ABCC11: variants seen among roughly 807,000 people sequenced by gnomAD.
The protein encoded by ABCC11 is ATP-binding cassette sub-family C member 11.
ABCC11 carries 135 observed loss-of-function variants against 149.3 expected under a neutral mutation model. The ratio of observed to expected loss-of-function variants is 0.90; its 90% CI spans 0.79 to 1.04. ABCC11 has a LOEUF of 1.04. Ranked by LOEUF, ABCC11 falls within the 50% of genes least tolerant of loss-of-function variation. The pLI is 0.00. For synonymous variants in ABCC11, 665 were observed against 671.4 expected (o/e 0.99, Z 0.15); for missense variants, 1,680 against 1,722.1 (o/e 0.98, Z 0.43).
At chr16:48,244,472 C>G (rs1386960036) in intron 1 of ABCC11, 3 of 1,598,794 alleles carry the variant, frequency 1.9e-6, no homozygotes, top group African/African-American at 2.7e-5. Context: ...CCGGCTCCAC[C>G]ATGCGCACCA....
At chr16:48,177,178 C>A (rs1439637871) in intron 24 of ABCC11, 65 bp from the exon 25 acceptor site, 50 of 1,511,978 alleles carry the variant, frequency 3.3e-5, no homozygotes, top group Non-Finnish European at 4.3e-5. Flanking sequence ...CCCCTGCGGG[C>A]CTGCCAGCCT....
At chr16:48,227,168 A>C (rs1297156795) in intron 4 of ABCC11, among the ~76,000 whole-genome samples, 1 of 152,098 alleles carries the variant, frequency 6.6e-6, no homozygotes, top group Non-Finnish European at 1.5e-5. Flanking sequence ...AAGGGACTAG[A>C]AGTGGTCATT....
In ABCC11 at chr16:48,198,000, G is replaced by A. The variant is rs199502121; in HGVS notation, c.2285C>T (p.Ser762Phe). The change falls in exon 17 of 30, where the codon TCC (serine) becomes TTC (phenylalanine). Residue 762 changes from serine to phenylalanine, a missense_variant. Physicochemically the swap from Ser to Phe is radical, Grantham distance 155. Coordinates refer to ENST00000356608, the MANE Select transcript of ABCC11 (RefSeq NM_001370497.1). The stretch of plus-strand genomic sequence containing the variant: ...ATTTCCGTTGAGAGACTCTTCCAGG[G>A]AGGTGGCCAGAGCCTGACTTTCTAC... Reference protein sequence around the residue: ...PKVESQALATSLEESLNGNAV... With the variant: ...PKVESQALATFLEESLNGNAV... The A allele has an allele frequency of 3.1e-6, 5 of 1,614,164 alleles. No individual in the cohort carries two copies. The Admixed American group carries it at 8.3e-5, about 27-fold the overall frequency.
intron 5 of ABCC11, 119 bp downstream of exon 5, chr16:48,224,163 C>G: frequency 7.5e-7 from 1 of 1,334,140 alleles, no homozygotes. Context: ...ATTTTCTAGA[C>G]AGCAACTGAA....
intron 1 of ABCC11, among the ~76,000 whole-genome samples, chr16:48,238,257 A>C (rs1257925871): frequency 6.6e-6 from 1 of 152,230 alleles, no homozygotes; most frequent in Non-Finnish European, 1.5e-5. Flanking sequence ...CACAGCACCT[A>C]GTAACCTGAT....
chr16:48,234,468 A>G (rs1970588788), intron 1 of ABCC11, among the ~76,000 whole-genome samples: 1 of 152,172 alleles, frequency 6.6e-6, no homozygotes, highest in Non-Finnish European at 1.5e-5. Flanking sequence ...AACAGGTACT[A>G]GCCGACCACT....
chr16:48,167,106 CT>C lies in ABCC11; in HGVS notation c.*167del, dbSNP rs1194086540. On this transcript the variant is annotated 3_prime_UTR_variant, in exon 30 of 30. Coordinates refer to ENST00000356608, the MANE Select transcript of ABCC11 (RefSeq NM_001370497.1). ...AAGGTCTTGAGAGCCATCAAGTAGCCTATTCCAGGGTTTCCATCCAGCAATC... is the reference window on the plus strand; with the variant it reads ...AAGGTCTTGAGAGCCATCAAGTAGCCATTCCAGGGTTTCCATCCAGCAATC... The C allele has an allele frequency of 1.6e-6, 1 of 617,834 alleles. No individual in the cohort carries two copies. Among genetic ancestry groups the C allele is most frequent in the East Asian group, 2.7e-5 (1 of 36,834 alleles). The allele number at this position is 617,834 out of a possible 1,614,324, so 38.3% of individuals were successfully genotyped here.
At chr16:48,173,532 AG>A (rs1209582877) in intron 26 of ABCC11, among the ~76,000 whole-genome samples, 1 of 152,232 alleles carries the variant, frequency 6.6e-6, no homozygotes, top group Non-Finnish European at 1.5e-5. Flanking sequence ...ATCAACGCAC[AG>A]GAGATTTGGC....
At chr16:48,174,785 T>C (rs1965933972) in intron 26 of ABCC11, among the ~76,000 whole-genome samples, 1 of 152,220 alleles carries the variant, frequency 6.6e-6, no homozygotes, top group Non-Finnish European at 1.5e-5. Flanking sequence ...ACCAATCCCA[T>C]CAGGGTTTTG....
Position 48,184,665 on chromosome 16 carries a change from C to A in ABCC11, c.3072-39G>T, listed in dbSNP as rs535355100. The stretch of plus-strand genomic sequence containing the variant: ...CACAGACTAAGAACCATGTGTTTGT[C>A]TGACCTAGGGTCTCCCCGGGTCAGG... On this transcript the variant is annotated intron_variant, in intron 22 of 29. Coordinates refer to ENST00000356608, the MANE Select transcript of ABCC11 (RefSeq NM_001370497.1). 1.9e-6 allele frequency: 3 copies of A among 1,597,606 alleles called. No individual in the cohort carries two copies. The South Asian group carries it at 3.4e-5, about 18-fold the overall frequency.
In ABCC11 at chr16:48,177,064, T is replaced by C; in HGVS notation, c.3398A>G (p.Gln1133Arg). The change falls in exon 25 of 30, where the codon CAG becomes CGG. Residue 1133 changes from glutamine to arginine, a missense_variant. By Grantham distance (43) the Gln-to-Arg change is conservative. Transcript: ENST00000356608. ...PLHMEGTSCP[Q>R]GWPQHGEIIF... ...GATTTCCCCATGCTGTGGCCACCCC[T>C]GGGGACAACTTGTGCCTTCCATGTG... 1 of 1,614,162 alleles carries C rather than the reference T, an allele frequency of 6.2e-7. No individual in the cohort carries two copies. The highest frequency in any genetic ancestry group is 8.5e-7 in the Non-Finnish European group (1 of 1,180,014).
chr16:48,218,279 G>A (rs370742548), intron 6 of ABCC11, among the ~76,000 whole-genome samples: 7 of 152,272 alleles, frequency 4.6e-5, no homozygotes, highest in South Asian at 2.1e-4. Flanking sequence ...CTGGGTGATA[G>A]AGTGAGAACC....
intron 6 of ABCC11, among the ~76,000 whole-genome samples, chr16:48,219,932 G>T (rs9927515): frequency 6.6e-6 from 1 of 152,096 alleles, no homozygotes; most frequent in African/African-American, 2.4e-5. Flanking sequence ...AGTGAGCCAA[G>T]GTTGCACTAT....
At chr16:48,239,932 A>G (rs151245213) in intron 1 of ABCC11, among the ~76,000 whole-genome samples, 1,995 of 152,364 alleles carry the variant, frequency 0.013, 41 homozygotes, top group African/African-American at 0.044. Context: ...AAAGCTCAAC[A>G]TCACTGATCA....
intron 27 of ABCC11, among the ~76,000 whole-genome samples, chr16:48,170,596 G>A (rs1178702032): frequency 1.3e-5 from 2 of 152,178 alleles, no homozygotes; most frequent in Non-Finnish European, 2.9e-5. Flanking sequence ...AGTATCTCCT[G>A]CATTTACTTG....
chr16:48,222,347 C>T (rs950899973), intron 6 of ABCC11, among the ~76,000 whole-genome samples: 1 of 152,160 alleles, frequency 6.6e-6, no homozygotes, highest in African/African-American at 2.4e-5. Context: ...AAAGTTCCTA[C>T]TTGTTGAATG....
At chr16:48,244,687 C>T (rs1646026861) in intron 1 of ABCC11, 6 of 1,134,196 alleles carry the variant, frequency 5.3e-6, no homozygotes, top group East Asian at 6.5e-5. Flanking sequence ...TGGGCCCAGG[C>T]CACGGCCTGC....
intron 26 of ABCC11, among the ~76,000 whole-genome samples, chr16:48,174,637 GA>G (rs1282159439): frequency 6.6e-6 from 1 of 152,016 alleles, no homozygotes; most frequent in Non-Finnish European, 1.5e-5. Flanking sequence ...CTCCTGTCCA[GA>G]ATGTGTACCA....
chr16:48,178,498 T>C, intron 24 of ABCC11, 99 bp downstream of exon 24: 1 of 1,116,830 alleles, frequency 9.0e-7, no homozygotes, highest in East Asian at 2.4e-5. Flanking sequence ...TTTCCTGGGA[T>C]GGTCTCAGGG....
Sources: gnomAD v4.1 joint callset for allele counts (sites outside exome capture counted in the v4.1 genomes callset) on GRCh38, gnomAD v4.1.1 for gene constraint, MANE v1.5 for transcripts, NCBI Gene and HGNC (gene_info 2026-07-23, HGNC 2026-07-21) for gene names.